C1orf185: variants seen among roughly 807,000 people sequenced by gnomAD.
The protein encoded by C1orf185 is uncharacterized protein C1orf185.
C1orf185 carries 13 observed loss-of-function variants against 16.1 expected under a neutral mutation model. That is an observed-to-expected ratio of 0.81 (90% CI 0.53 to 1.28). The LOEUF (loss-of-function observed/expected upper bound fraction) is 1.28, where lower values mean the gene tolerates loss of function less well. C1orf185 is among the 50% of genes most tolerant of loss of function. The pLI, the probability that C1orf185 is intolerant of heterozygous loss-of-function variation, is 0.00. For synonymous variants in C1orf185, 80 were observed against 76.9 expected (o/e 1.04, Z -0.21); for missense variants, 220 against 225.2 (o/e 0.98, Z 0.15).
chr1:51,133,150 G>T (rs930282071), intron 3 of C1orf185, among the ~76,000 whole-genome samples: 2 of 152,040 alleles, frequency 1.3e-5, no homozygotes, highest in African/African-American at 2.4e-5. Context: ...AACCACGTAA[G>T]CAAGTCTGCA....
At chr1:51,140,920 C>T (rs1431204802) in intron 3 of C1orf185, among the ~76,000 whole-genome samples, 2 of 152,092 alleles carry the variant, frequency 1.3e-5, no homozygotes, top group Non-Finnish European at 2.9e-5. Context: ...TTTCAAAGAA[C>T]TGTATACTTG....
Position 51,112,559 on chromosome 1 carries a change from T to A in C1orf185, c.112T>A (p.Cys38Ser), listed in dbSNP as rs1294178717. ...GGCATCAGCTTTGTGGTTCCTGATT[T>A]GCAAACGAAGGTAAGGATTATTCGA... is the stretch of plus-strand genomic sequence containing the variant. Reference protein sequence around the residue: ...ALASALWFLICKRREIFQNSK... With the variant: ...ALASALWFLISKRREIFQNSK... The change falls in exon 2 of 5, where the codon TGC (cysteine) becomes AGC (serine). Residue 38 changes from cysteine to serine, a missense_variant. Physicochemically the swap from Cys to Ser is moderately radical, Grantham distance 112 (BLOSUM62 -1). Coordinates refer to ENST00000371759, the MANE Select transcript of C1orf185 (RefSeq NM_001136508.2). 25 of 1,548,128 alleles carry A rather than the reference T, an allele frequency of 1.6e-5. No homozygotes were observed. The East Asian group carries it at 6.1e-4, about 38-fold the overall frequency.
chr1:51,113,245 T>G (rs1646136062), intron 2 of C1orf185, among the ~76,000 whole-genome samples: 1 of 152,032 alleles, frequency 6.6e-6, no homozygotes, highest in Non-Finnish European at 1.5e-5. Flanking sequence ...AGGAGATATT[T>G]AAGAAAAAAG....
intron 3 of C1orf185, 53 bp from the exon 4 acceptor site, chr1:51,145,671 G>A: frequency 1.0e-6 from 1 of 991,616 alleles, no homozygotes; most frequent in South Asian, 1.8e-5. Context: ...TATGAAAGAA[G>A]TTATATAAAA....
chr1:51,137,675 C>T (rs539894831), intron 3 of C1orf185, among the ~76,000 whole-genome samples: 1 of 152,158 alleles, frequency 6.6e-6, no homozygotes, highest in African/African-American at 2.4e-5. Flanking sequence ...ACAGAAATAC[C>T]ATTTGACCCC....
chr1:51,131,412 T>C (rs944590844), intron 3 of C1orf185, among the ~76,000 whole-genome samples: 3 of 152,228 alleles, frequency 2.0e-5, no homozygotes, highest in African/African-American at 7.2e-5. Context: ...TAAGAGCTAC[T>C]GTAGATGTCT....
intron 3 of C1orf185, among the ~76,000 whole-genome samples, chr1:51,126,303 G>T (rs1646239690): frequency 6.6e-6 from 1 of 152,000 alleles, no homozygotes; most frequent in Admixed American, 6.6e-5. Flanking sequence ...TTGCTCCGTT[G>T]CCCAGGCTGG....
chr1:51,152,078 C>T (rs1257231084), downstream of C1orf185, among the ~76,000 whole-genome samples: 1 of 152,154 alleles, frequency 6.6e-6, no homozygotes, highest in East Asian at 1.9e-4. Flanking sequence ...CCTCAGCCTC[C>T]CAAGTAGCTG....
chr1:51,112,396 A>G, intron 1 of C1orf185, 68 bp from the exon 2 acceptor site: 1 of 1,266,492 alleles, frequency 7.9e-7, no homozygotes. Flanking sequence ...TTTGAAGTTT[A>G]TCATTCAGTT....
chr1:51,140,739 T>TA (rs1646358760), intron 3 of C1orf185, among the ~76,000 whole-genome samples: 1 of 152,240 alleles, frequency 6.6e-6, no homozygotes, highest in Non-Finnish European at 1.5e-5. Flanking sequence ...CCACTTCATC[T>TA]AAGTTGTCTA....
chr1:51,123,990 A>C (rs534939883), intron 3 of C1orf185, among the ~76,000 whole-genome samples: 6 of 151,708 alleles, frequency 4.0e-5, no homozygotes, highest in African/African-American at 1.2e-4. Context: ...ATAGAGAGAG[A>C]GAGCGAGCAA....
intron 3 of C1orf185, among the ~76,000 whole-genome samples, chr1:51,143,924 G>A (rs1396411354): frequency 6.6e-6 from 1 of 152,140 alleles, no homozygotes; most frequent in Non-Finnish European, 1.5e-5. Flanking sequence ...CATAAGCTTG[G>A]AGTTTCAAAT....
At chr1:51,111,477 A>T (rs560446135) in intron 1 of C1orf185, among the ~76,000 whole-genome samples, 1 of 150,444 alleles carries the variant, frequency 6.6e-6, no homozygotes, top group Non-Finnish European at 1.5e-5. Flanking sequence ...GGCTCAAGCA[A>T]TCCTCCCGCC....
At chr1:51,144,251 T>C (rs1474989797) in intron 3 of C1orf185, among the ~76,000 whole-genome samples, 3 of 152,204 alleles carry the variant, frequency 2.0e-5, no homozygotes, top group Non-Finnish European at 4.4e-5. Context: ...AATCTGCATT[T>C]TAACAAGCTC....
downstream of C1orf185, among the ~76,000 whole-genome samples, chr1:51,149,179 A>G (rs1257725020): frequency 6.6e-6 from 1 of 152,162 alleles, no homozygotes; most frequent in Middle Eastern, 3.2e-3. Context: ...CATGAAATTA[A>G]TCCCCTTGGG....
intron 3 of C1orf185, among the ~76,000 whole-genome samples, chr1:51,135,463 C>T (rs530581038): frequency 4.6e-5 from 7 of 151,950 alleles, no homozygotes; most frequent in East Asian, 3.9e-4. Flanking sequence ...CACTTGAACC[C>T]GGAAGGCGGA....
downstream of C1orf185, among the ~76,000 whole-genome samples, chr1:51,149,134 T>A (rs1200786180): frequency 1.3e-5 from 2 of 152,050 alleles, no homozygotes; most frequent in Non-Finnish European, 2.9e-5. Context: ...CGCTATGTAA[T>A]CTTTTCTTTT....
chr1:51,114,108 C>A (rs1214889475), intron 2 of C1orf185, among the ~76,000 whole-genome samples: 2 of 152,016 alleles, frequency 1.3e-5, no homozygotes. Flanking sequence ...GAAAGCAGAG[C>A]AAATACAAAG....
chr1:51,118,723 A>G lies in C1orf185; in HGVS notation c.180A>G (p.Pro60=), dbSNP rs1376840532. 6.7e-7 allele frequency: 1 copy of G among 1,495,686 alleles called. No individual in the cohort carries two copies. The highest frequency in any genetic ancestry group is 9.0e-7 in the Non-Finnish European group (1 of 1,114,804). The allele number at this position is 1,495,686 out of a possible 1,614,324, so 92.7% of individuals were successfully genotyped here. ...TTGATGAGAGATGCAGGCAAAGACC[A>G]TCAATGGCGAAGATTAAATCTCATT... ...KAIDERCRQR[P]SMAKIKSHSQ... The change falls in exon 3 of 5, where the codon CCA becomes CCG. Residue 60 remains proline, a synonymous_variant. Transcript: ENST00000371759.
Sources: allele counts gnomAD v4.1 joint callset (sites outside exome capture counted in the v4.1 genomes callset), GRCh38; gene constraint gnomAD v4.1.1; transcripts MANE v1.5; gene names NCBI Gene and HGNC (gene_info 2026-07-23, HGNC 2026-07-21).